The following NUAK1 variants were observed in gnomAD, a reference collection of about 807,000 sequenced individuals.
NUAK1 encodes the protein NUAK family SNF1-like kinase 1.
Under a neutral mutation model 56.9 loss-of-function variants are expected in NUAK1, and 26 were observed. The ratio of observed to expected loss-of-function variants is 0.46; its 90% CI spans 0.33 to 0.63. The LOEUF is 0.63. NUAK1 is among the 30% of genes least tolerant of loss of function. The pLI, the probability that NUAK1 is intolerant of heterozygous loss-of-function variation, is 0.02. For synonymous variants in NUAK1, 337 were observed against 336.0 expected, an observed-to-expected ratio of 1.00 and a Z score of -0.03; for missense variants, 727 against 876.1, an observed-to-expected ratio of 0.83 and a Z score of 2.15.
chr12:106,123,494 A>G (rs1164345586), intron 1 of NUAK1, among the ~76,000 whole-genome samples: 2 of 152,208 alleles, frequency 1.3e-5, no homozygotes, highest in African/African-American at 4.8e-5. Flanking sequence ...TAGACAGTGC[A>G]GGTCGAGAGG....
At chr12:106,132,048 A>G (rs1034562140) in intron 1 of NUAK1, among the ~76,000 whole-genome samples, 1 of 152,372 alleles carries the variant, frequency 6.6e-6, no homozygotes, top group East Asian at 1.9e-4. Flanking sequence ...GGAAAGACAA[A>G]TGAGACTTCT....
At chr12:106,112,303 A>T (rs904956697) in intron 1 of NUAK1, among the ~76,000 whole-genome samples, 1 of 151,982 alleles carries the variant, frequency 6.6e-6, no homozygotes, top group African/African-American at 2.4e-5. Flanking sequence ...AGCTCAGGGG[A>T]TCTCTCCTTA....
intron 1 of NUAK1, among the ~76,000 whole-genome samples, chr12:106,122,849 T>C (rs1026621687): frequency 6.6e-6 from 1 of 152,184 alleles, no homozygotes; most frequent in African/African-American, 2.4e-5. Context: ...TTTTAACAGG[T>C]GCACCTAGGA....
intron 4 of NUAK1, among the ~76,000 whole-genome samples, chr12:106,079,471 A>G (rs189804098): frequency 9.2e-5 from 14 of 152,304 alleles, no homozygotes; most frequent in African/African-American, 3.4e-4. Flanking sequence ...CCAAGGGAGA[A>G]GGATCAGGGA....
intron 1 of NUAK1, among the ~76,000 whole-genome samples, chr12:106,118,188 A>T (rs76748533): frequency 0.014 from 2,108 of 152,198 alleles, 42 homozygotes; most frequent in African/African-American, 0.048. Context: ...ATACAATGTC[A>T]TCCCACTTCA....
chr12:106,077,532 C>G (rs1327035700), intron 4 of NUAK1, among the ~76,000 whole-genome samples: 1 of 152,206 alleles, frequency 6.6e-6, no homozygotes, highest in Non-Finnish European at 1.5e-5. Flanking sequence ...ATAATACAGT[C>G]ACGTTCAGAG....
intron 1 of NUAK1, among the ~76,000 whole-genome samples, chr12:106,131,804 G>A (rs909210834): frequency 3.3e-5 from 5 of 152,180 alleles, no homozygotes; most frequent in African/African-American, 7.2e-5. Context: ...GAAGAGTTTC[G>A]CTGTAAAGCC....
chr12:106,129,765 C>T (rs2136484417), intron 1 of NUAK1, among the ~76,000 whole-genome samples: 1 of 152,330 alleles, frequency 6.6e-6, no homozygotes, highest in African/African-American at 2.4e-5. Flanking sequence ...GTGCTGGAAG[C>T]TTCCAAATCC....
chr12:106,081,377 G>A (rs1489802994), intron 4 of NUAK1, among the ~76,000 whole-genome samples: 2 of 152,224 alleles, frequency 1.3e-5, no homozygotes, highest in African/African-American at 4.8e-5. Context: ...GAATTTAAAA[G>A]TGTTGATAAT....
At chr12:106,103,209 G>A (rs758386183) in intron 2 of NUAK1, 2 of 152,218 alleles carry the variant, frequency 1.3e-5, no homozygotes, top group Non-Finnish European at 2.9e-5. Context: ...TTCTCCATGT[G>A]GGACGCCAGC....
chr12:106,121,770 G>GT (rs2136479957), intron 1 of NUAK1, among the ~76,000 whole-genome samples: 1 of 152,126 alleles, frequency 6.6e-6, no homozygotes, highest in Non-Finnish European at 1.5e-5. Context: ...AAGGTGGGGG[G>GT]GTGTGGGGAG....
At chr12:106,097,093 C>G (rs948805725) in intron 2 of NUAK1, among the ~76,000 whole-genome samples, 1 of 152,166 alleles carries the variant, frequency 6.6e-6, no homozygotes, top group African/African-American at 2.4e-5. Context: ...GGCCCTGGCA[C>G]GGTACTTAGC....
At position 106,138,693 on chromosome 12, in the gene NUAK1, C is replaced by G. The variant is rs776325545; in HGVS notation, c.-40G>C. 2 of 1,467,472 alleles carry G rather than the reference C, an allele frequency of 1.4e-6. No individual in the cohort carries two copies. Among genetic ancestry groups the G allele is most frequent in the Non-Finnish European group, 1.8e-6 (2 of 1,118,942 alleles). The allele number at this position is 1,467,472 out of a possible 1,614,324, so 90.9% of individuals were successfully genotyped here. A position where few individuals can be genotyped will look rare whatever the true frequency, so the allele number is the denominator to read the frequency against. On this transcript the variant is annotated 5_prime_UTR_variant, in exon 1 of 7. Transcript: ENST00000261402. This position sits in a 1 kb window ranked among gnomAD's most constrained non-coding sequence, Gnocchi z 5.0. ...CGAGCCGGGCTACAGAGGGCAAGACCGGGCACAGCGCTGGGATGTCGGGGT... is the reference window on the plus strand; with the variant it reads ...CGAGCCGGGCTACAGAGGGCAAGACGGGGCACAGCGCTGGGATGTCGGGGT...
intron 2 of NUAK1, among the ~76,000 whole-genome samples, chr12:106,090,769 A>G (rs2032627054): frequency 6.6e-6 from 1 of 152,174 alleles, no homozygotes; most frequent in Non-Finnish European, 1.5e-5. Context: ...CTGTGCTCAT[A>G]ATTACTTCAT....
In NUAK1 at chr12:106,118,339, G is replaced by A. The variant is rs374477808; in HGVS notation, c.241-11814C>T. On this transcript the variant is annotated intron_variant, in intron 1 of 6. Coordinates refer to ENST00000261402, the MANE Select transcript of NUAK1 (RefSeq NM_014840.3). ...TTCAACCCAGGTACTTGGATCCAGT[G>A]GCCAATGCTGCTTCCACTGGACCAC... is the stretch of plus-strand genomic sequence containing the variant. Among the ~76,000 whole-genome samples the A allele has an allele frequency of 2.0e-5, 3 of 152,308 alleles. No individual in the cohort carries two copies. The East Asian group carries it at 5.8e-4, about 29-fold the overall frequency.
intron 1 of NUAK1, among the ~76,000 whole-genome samples, chr12:106,124,265 A>G (rs2033005158): frequency 1.3e-5 from 2 of 152,218 alleles, no homozygotes; most frequent in South Asian, 2.1e-4. Context: ...TCTTGCCTTT[A>G]TAAAGACAGT....
At chr12:106,100,394 G>A (rs866821413) in intron 2 of NUAK1, among the ~76,000 whole-genome samples, 1 of 151,944 alleles carries the variant, frequency 6.6e-6, no homozygotes, top group South Asian at 2.1e-4. Context: ...GAGCATTTGC[G>A]CATGCTGTTC....
intron 2 of NUAK1, 160 bp from the exon 3 acceptor site, chr12:106,087,045 G>T: frequency 1.2e-6 from 1 of 821,114 alleles, no homozygotes; most frequent in South Asian, 1.9e-5. Flanking sequence ...GAGGCGTGGG[G>T]CGTGCTGTCC....
At chr12:106,085,019 AC>A (rs2032557151) in intron 3 of NUAK1, among the ~76,000 whole-genome samples, 1 of 152,238 alleles carries the variant, frequency 6.6e-6, no homozygotes, top group South Asian at 2.1e-4. Context: ...ATGTATTTCT[AC>A]TAATCTTTTT....
Sources: allele counts gnomAD v4.1 joint callset (sites outside exome capture counted in the v4.1 genomes callset), GRCh38; gene constraint gnomAD v4.1.1; non-coding constraint Gnocchi (gnomAD v3.1); transcripts MANE v1.5; gene names NCBI Gene and HGNC (gene_info 2026-07-23, HGNC 2026-07-21).